Variants in ADCY8 observed in about 807,000 individuals in gnomAD.
The protein encoded by ADCY8 is adenylate cyclase 8, also known as adenylate cyclase type 8.
In ADCY8, 51 loss-of-function variants were observed where a neutral mutation model predicts 119.7. The observed-to-expected ratio is 0.43, with a 90% confidence interval of 0.34 to 0.54. The LOEUF (loss-of-function observed/expected upper bound fraction) is 0.54, where lower values mean the gene tolerates loss of function less well. Ranked by LOEUF, ADCY8 falls within the 20% of genes least tolerant of loss-of-function variation. The probability of loss-of-function intolerance (pLI) is 0.03; values close to 1 mark genes in which losing one functional copy is unlikely to be tolerated. For synonymous variants in ADCY8, 665 were observed against 651.0 expected, an observed-to-expected ratio of 1.02 and a Z score of -0.33; for missense variants, 1,383 against 1,598.8, an observed-to-expected ratio of 0.87 and a Z score of 2.30.
chr8:130,789,940 G>T (rs1815372832), intron 15 of ADCY8, among the ~76,000 whole-genome samples: 2 of 152,314 alleles, frequency 1.3e-5, no homozygotes, highest in African/African-American at 4.8e-5. Context: ...GCATGCGTGA[G>T]TCAGAGAAGC....
intron 12 of ADCY8, among the ~76,000 whole-genome samples, chr8:130,831,502 T>C (rs1816833040): frequency 1.3e-5 from 2 of 152,214 alleles, no homozygotes. Context: ...GTCTAGAGAA[T>C]GATAGGTTGG....
At chr8:130,826,285 G>T (rs927292952) in intron 12 of ADCY8, among the ~76,000 whole-genome samples, 3 of 152,124 alleles carry the variant, frequency 2.0e-5, no homozygotes, top group African/African-American at 4.8e-5. Context: ...ATTAAGTATT[G>T]TATATATATG....
chr8:130,829,187 G>A (rs141142684), intron 12 of ADCY8, among the ~76,000 whole-genome samples: 1 of 152,282 alleles, frequency 6.6e-6, no homozygotes, highest in Admixed American at 6.5e-5. Context: ...TTATCGATCT[G>A]GGTAGGCAAG....
At chr8:131,030,436 A>G (rs1406684970) in intron 1 of ADCY8, among the ~76,000 whole-genome samples, 2 of 152,188 alleles carry the variant, frequency 1.3e-5, no homozygotes, top group Non-Finnish European at 2.9e-5. Flanking sequence ...CCTTTCATGT[A>G]ACTTCTAAAA....
chr8:131,039,079 G>A (rs539165482), intron 1 of ADCY8, among the ~76,000 whole-genome samples: 62 of 152,322 alleles, frequency 4.1e-4, no homozygotes, highest in Middle Eastern at 6.8e-3. Flanking sequence ...TGCAGACCCT[G>A]AGGGAGGGGA....
intron 5 of ADCY8, among the ~76,000 whole-genome samples, chr8:130,913,309 C>A (rs545567789): frequency 3.7e-4 from 57 of 152,026 alleles, no homozygotes; most frequent in African/African-American, 1.3e-3. Flanking sequence ...TTTTTCTACC[C>A]ATTAACCATC....
At chr8:131,007,144 C>A (rs1563765059) in intron 1 of ADCY8, among the ~76,000 whole-genome samples, 1 of 152,100 alleles carries the variant, frequency 6.6e-6, no homozygotes, top group Non-Finnish European at 1.5e-5. Flanking sequence ...TGATTAAACT[C>A]TTTTAGTTAA....
intron 16 of ADCY8, among the ~76,000 whole-genome samples, chr8:130,784,977 C>G (rs1815205192): frequency 6.6e-6 from 1 of 152,104 alleles, no homozygotes; most frequent in African/African-American, 2.4e-5. Context: ...AACACCAGTG[C>G]CTGGAACACA....
At position 130,780,891 on chromosome 8, in the gene ADCY8, C is replaced by G. The variant is rs1256685051; in HGVS notation, c.3269-14G>C. The G allele has an allele frequency of 1.1e-5, 18 of 1,610,510 alleles. No individual in the cohort carries two copies. Among genetic ancestry groups the G allele is most frequent in the Middle Eastern group, 1.7e-4 (1 of 5,944 alleles). On this transcript the variant is annotated splice_polypyrimidine_tract_variant and intron_variant, in intron 17 of 17. Transcript: ENST00000286355. ...CGTGGCTGATGCCTGGGGGGTGAAGCAAAGGAGCAAGAAGTCAGAGGGAGA... is the reference window on the plus strand; with the variant it reads ...CGTGGCTGATGCCTGGGGGGTGAAGGAAAGGAGCAAGAAGTCAGAGGGAGA...
chr8:130,923,990 A>G (rs142560187), intron 5 of ADCY8, among the ~76,000 whole-genome samples: 15 of 152,356 alleles, frequency 9.8e-5, no homozygotes, highest in African/African-American at 2.9e-4. Context: ...TTAGAAATGT[A>G]CCAATGTATG....
At chr8:130,849,516 G>A in intron 10 of ADCY8, 86 bp downstream of exon 10, 3 of 1,371,924 alleles carry the variant, frequency 2.2e-6, no homozygotes, top group Non-Finnish European at 3.1e-6. Context: ...ACCAAGGAAG[G>A]GTAATGCAGG....
At chr8:131,018,887 T>G (rs11774179) in intron 1 of ADCY8, among the ~76,000 whole-genome samples, 7,477 of 152,202 alleles carry the variant, frequency 0.049, 258 homozygotes, top group African/African-American at 0.091. Context: ...AGGAAGGGCA[T>G]GGTTAGGAGG....
At chr8:131,003,222 A>ACACACACG (rs1823009655) in intron 1 of ADCY8, among the ~76,000 whole-genome samples, 1 of 151,930 alleles carries the variant, frequency 6.6e-6, no homozygotes, top group Non-Finnish European at 1.5e-5. Context: ...ACACACACAC[A>ACACACACG]CACACACACA....
intron 11 of ADCY8, among the ~76,000 whole-genome samples, chr8:130,841,320 T>A (rs967602843): frequency 6.6e-6 from 1 of 152,206 alleles, no homozygotes; most frequent in Non-Finnish European, 1.5e-5. Context: ...ATGTAACACT[T>A]TTCTTCTTCT....
chr8:130,822,245 C>T (rs994891628), intron 12 of ADCY8, among the ~76,000 whole-genome samples: 4 of 152,100 alleles, frequency 2.6e-5, no homozygotes, highest in African/African-American at 9.7e-5. Flanking sequence ...GAGCTGAATC[C>T]TAAAAGATAA....
intron 1 of ADCY8, among the ~76,000 whole-genome samples, chr8:131,027,137 T>A (rs1823847400): frequency 6.6e-6 from 1 of 152,222 alleles, no homozygotes; most frequent in South Asian, 2.1e-4. Context: ...TTTTGTCAAA[T>A]TCTGCTTATC....
chr8:130,867,816 C>T (rs1818180190), intron 9 of ADCY8, 30 bp downstream of exon 9: 2 of 1,484,602 alleles, frequency 1.3e-6, no homozygotes, highest in East Asian at 2.3e-5. Flanking sequence ...AAAGATATTT[C>T]ACCAGATCAA....
chr8:130,891,819 G>A (rs1819198283), intron 7 of ADCY8, among the ~76,000 whole-genome samples: 1 of 152,078 alleles, frequency 6.6e-6, no homozygotes, highest in Admixed American at 6.6e-5. Flanking sequence ...CCTTCTTATG[G>A]GAGTGGAGGT....
chr8:130,914,929 G>C (rs1247285594), intron 5 of ADCY8, among the ~76,000 whole-genome samples: 1 of 152,202 alleles, frequency 6.6e-6, no homozygotes, highest in Admixed American at 6.5e-5. Flanking sequence ...AATGGAGAAA[G>C]CTCAATGGCT....
Sources: allele counts gnomAD v4.1 joint callset (sites outside exome capture counted in the v4.1 genomes callset), GRCh38; gene constraint gnomAD v4.1.1; transcripts MANE v1.5; gene names NCBI Gene and HGNC (gene_info 2026-07-23, HGNC 2026-07-21).